The following CRYBA4 variants were observed in gnomAD, a reference collection of about 807,000 sequenced individuals.
The protein encoded by CRYBA4 is crystallin beta A4.
A neutral mutation model predicts 31.7 loss-of-function variants in CRYBA4; 30 were observed. The observed-to-expected ratio is 0.95, with a 90% CI of 0.71 to 1.28. The LOEUF is 1.28. Ranked by LOEUF, CRYBA4 falls within the 50% of genes most tolerant of loss-of-function variation. The pLI, the probability that CRYBA4 is intolerant of heterozygous loss-of-function variation, is 0.00. For synonymous variants in CRYBA4, 102 were observed against 102.3 expected (o/e 1.00, Z 0.02); for missense variants, 225 against 260.7 (o/e 0.86, Z 0.94).
chr22:26,622,709 G>A, intron 2 of CRYBA4, 74 bp downstream of exon 2: 2 of 1,149,170 alleles, frequency 1.7e-6, no homozygotes, highest in African/African-American at 1.5e-5. Context: ...CCTAGGAGGG[G>A]GGCATTATAA....
chr22:26,599,278 A>G, the CRYBA4 span: 1 of 585,492 alleles, frequency 1.7e-6, no homozygotes, highest in African/African-American at 1.9e-5. Context: ...AGGCAGAAAG[A>G]ACTTTTCAGT....
chr22:26,625,454 C>T (rs1278995272), intron 3 of CRYBA4, 27 bp from the exon 4 acceptor site: 9 of 1,612,954 alleles, frequency 5.6e-6, no homozygotes, highest in Middle Eastern at 1.7e-4. Flanking sequence ...ACGCTTACCT[C>T]CTGCACACTC....
intron 4 of CRYBA4, among the ~76,000 whole-genome samples, chr22:26,627,396 C>CTT (rs1419694217): frequency 1.3e-5 from 1 of 77,406 alleles, no homozygotes; most frequent in African/African-American, 7.0e-5. Flanking sequence ...TTCTTTCTTT[C>CTT]TTTCTTTCTT....
upstream of CRYBA4, among the ~76,000 whole-genome samples, chr22:26,617,611 C>G (rs1324443694): frequency 6.6e-6 from 1 of 151,328 alleles, no homozygotes; most frequent in African/African-American, 2.4e-5. Flanking sequence ...TCCCTCTGTT[C>G]CTCCTCTCTT....
At chr22:26,626,609 A>C (rs79664640) in intron 4 of CRYBA4, among the ~76,000 whole-genome samples, 3 of 152,074 alleles carry the variant, frequency 2.0e-5, no homozygotes, top group Non-Finnish European at 4.4e-5. Flanking sequence ...GATTTTGAAT[A>C]TTTTCCCCAG....
the CRYBA4 span, chr22:26,599,488 AC>A: frequency 6.2e-7 from 1 of 1,609,064 alleles, no homozygotes; most frequent in South Asian, 1.1e-5. Flanking sequence ...TGAGGTGTGG[AC>A]TCACTTGGGG....
chr22:26,592,329 CAG>C, the CRYBA4 span, among the ~76,000 whole-genome samples: 52 of 152,348 alleles, frequency 3.4e-4, no homozygotes, highest in East Asian at 1.2e-3. Context: ...CAGCAGCTAA[CAG>C]GGGGACAAAG....
At chr22:26,601,637 T>C in the CRYBA4 span, among the ~76,000 whole-genome samples, 1 of 110,560 alleles carries the variant, frequency 9.0e-6, no homozygotes, top group East Asian at 3.6e-4. Context: ...GCTCCTATTT[T>C]CTCCATCTAA....
the CRYBA4 span, among the ~76,000 whole-genome samples, chr22:26,596,021 C>T: frequency 6.6e-6 from 1 of 152,212 alleles, no homozygotes; most frequent in Non-Finnish European, 1.5e-5. Flanking sequence ...ATCCTCCCAC[C>T]TTAGCCTTCC....
At chr22:26,604,240 T>G in the CRYBA4 span, among the ~76,000 whole-genome samples, 11 of 152,372 alleles carry the variant, frequency 7.2e-5, no homozygotes, top group Non-Finnish European at 1.5e-4. Flanking sequence ...AGGCCAGTCA[T>G]TTTCTACTTC....
At chr22:26,595,804 G>C in the CRYBA4 span, among the ~76,000 whole-genome samples, 1 of 151,404 alleles carries the variant, frequency 6.6e-6, no homozygotes, top group African/African-American at 2.4e-5. Flanking sequence ...ACAGGGTCTT[G>C]CTCTGTTCCC....
the CRYBA4 span, among the ~76,000 whole-genome samples, chr22:26,590,508 G>A: frequency 1.8e-4 from 28 of 152,284 alleles, no homozygotes; most frequent in Non-Finnish European, 4.0e-4. Flanking sequence ...AAAAAGAAAG[G>A]GGTGGTCTGA....
the CRYBA4 span, among the ~76,000 whole-genome samples, chr22:26,612,568 G>A: frequency 6.6e-6 from 1 of 152,172 alleles, no homozygotes; most frequent in Non-Finnish European, 1.5e-5. Flanking sequence ...GCTCAGGCTG[G>A]TCTCGAATTC....
At chr22:26,621,908 G>A, upstream of CRYBA4, 1 of 953,108 alleles carries the variant, frequency 1.0e-6, no homozygotes, top group Non-Finnish European at 1.2e-6. Flanking sequence ...TGTCTCCCAG[G>A]GGCCCCTCTT....
chr22:26,616,099 A>G, the CRYBA4 span: 1 of 1,533,816 alleles, frequency 6.5e-7, no homozygotes, highest in South Asian at 1.1e-5. Context: ...AAGGAAGGAA[A>G]GAAGGCATGG....
chr22:26,593,772 T>A, the CRYBA4 span, among the ~76,000 whole-genome samples: 1 of 152,164 alleles, frequency 6.6e-6, no homozygotes, highest in East Asian at 1.9e-4. Context: ...GTGATCCACC[T>A]GTCTTGGACT....
At chr22:26,599,459 T>C in the CRYBA4 span, 25 of 1,585,624 alleles carry the variant, frequency 1.6e-5, no homozygotes, top group Non-Finnish European at 2.1e-5. Flanking sequence ...TGAAGAAGGG[T>C]TGGGGCAAGG....
chr22:26,625,946 G>C lies in CRYBA4; in HGVS notation c.300+324G>C, dbSNP rs556515182. On this transcript the variant is annotated intron_variant, in intron 4 of 5. Coordinates refer to ENST00000354760, the MANE Select transcript of CRYBA4 (RefSeq NM_001886.3). Reference sequence around the variant, plus strand: ...ATTCAGGGACCCTGAGAGAATCTGGGTACCAGGGATGGTAGGGCCAAGTGG... The same window carrying C: ...ATTCAGGGACCCTGAGAGAATCTGGCTACCAGGGATGGTAGGGCCAAGTGG... Among the ~76,000 whole-genome samples, 4 of 152,226 alleles carry C rather than the reference G, an allele frequency of 2.6e-5. No individual in the cohort carries two copies. In the South Asian group the frequency reaches 8.3e-4, roughly 32 times the overall value.
chr22:26,596,661 A>G, the CRYBA4 span: 1 of 152,190 alleles, frequency 6.6e-6, no homozygotes, highest in South Asian at 2.1e-4. Flanking sequence ...GAACTATGGA[A>G]GTCAATTTCA....
Sources: gnomAD v4.1 joint callset for allele counts (sites outside exome capture counted in the v4.1 genomes callset) on GRCh38, gnomAD v4.1.1 for gene constraint, MANE v1.5 for transcripts, NCBI Gene and HGNC (gene_info 2026-07-23, HGNC 2026-07-21) for gene names.